Variants in TRAPPC9 observed in about 807,000 individuals in gnomAD.
TRAPPC9 encodes the protein trafficking protein particle complex subunit 9.
Under a neutral mutation model 124.0 loss-of-function variants are expected in TRAPPC9, and 83 were observed. That is an observed-to-expected ratio of 0.67 (90% CI 0.56 to 0.80). The LOEUF is 0.80. TRAPPC9 is among the 30% of genes least tolerant of loss of function. The pLI, the probability that TRAPPC9 is intolerant of heterozygous loss-of-function variation, is 0.00. For synonymous variants in TRAPPC9, 638 were observed against 617.5 expected (o/e 1.03, Z -0.49); for missense variants, 1,302 against 1,508.3 (o/e 0.86, Z 2.27).
intron 9 of TRAPPC9, among the ~76,000 whole-genome samples, chr8:140,324,096 T>C (rs1370278316): frequency 6.6e-6 from 1 of 152,030 alleles, no homozygotes; most frequent in Non-Finnish European, 1.5e-5. Context: ...TTCTTTTGCC[T>C]TGCATCCTTA....
intron 20 of TRAPPC9, among the ~76,000 whole-genome samples, chr8:139,892,243 C>T (rs930058883): frequency 3.3e-5 from 5 of 152,258 alleles, no homozygotes; most frequent in Non-Finnish European, 7.3e-5. Context: ...GGAGCCCTCT[C>T]TCCCCATGTA....
intron 17 of TRAPPC9, chr8:140,041,021 G>A (rs1207197923): frequency 6.6e-6 from 1 of 152,196 alleles, no homozygotes; most frequent in Admixed American, 6.5e-5. Flanking sequence ...CTTTGTCAAG[G>A]TAATATCCAG....
At chr8:140,272,085 G>A (rs2064913704) in intron 15 of TRAPPC9, among the ~76,000 whole-genome samples, 25 of 73,048 alleles carry the variant, frequency 3.4e-4, no homozygotes, top group African/African-American at 1.1e-3. Flanking sequence ...GGTGGTGGTT[G>A]TGTTGATGAT....
At chr8:140,136,437 T>C (rs902221069) in intron 17 of TRAPPC9, among the ~76,000 whole-genome samples, 8 of 152,120 alleles carry the variant, frequency 5.3e-5, no homozygotes, top group Non-Finnish European at 4.4e-5. Flanking sequence ...ACTGAGCACA[T>C]ACATGCATTT....
chr8:139,848,763 C>T (rs940568843), intron 21 of TRAPPC9, among the ~76,000 whole-genome samples: 1 of 152,066 alleles, frequency 6.6e-6, no homozygotes, highest in Non-Finnish European at 1.5e-5. Flanking sequence ...CCCAACAAGC[C>T]CTTGTTGTCT....
chr8:140,090,815 G>A (rs180718194), intron 17 of TRAPPC9, among the ~76,000 whole-genome samples: 1 of 152,322 alleles, frequency 6.6e-6, no homozygotes, highest in African/African-American at 2.4e-5. Flanking sequence ...GGCTTCCCAT[G>A]CAGCTGTTCA....
intron 19 of TRAPPC9, among the ~76,000 whole-genome samples, chr8:139,970,928 C>T (rs938047687): frequency 6.6e-6 from 1 of 151,906 alleles, no homozygotes; most frequent in Non-Finnish European, 1.5e-5. Flanking sequence ...CCAGCTGTGA[C>T]TCCTGCCCTC....
At chr8:140,302,202 C>A (rs549324241) in intron 10 of TRAPPC9, among the ~76,000 whole-genome samples, 24 of 152,310 alleles carry the variant, frequency 1.6e-4, no homozygotes, top group African/African-American at 5.5e-4. Flanking sequence ...GGGGAGCCTG[C>A]CACATGCGTG....
At chr8:140,449,150 A>G (rs1199148389) in intron 2 of TRAPPC9, among the ~76,000 whole-genome samples, 3 of 152,104 alleles carry the variant, frequency 2.0e-5, no homozygotes, top group Non-Finnish European at 2.9e-5. Context: ...TTCTGTGATC[A>G]TCTCTCCTCA....
intron 17 of TRAPPC9, among the ~76,000 whole-genome samples, chr8:140,030,511 C>A (rs1840435340): frequency 6.6e-6 from 1 of 151,856 alleles, no homozygotes; most frequent in African/African-American, 2.4e-5. Flanking sequence ...CAACTCCTAC[C>A]AAGAAAAATA....
Position 139,728,378 on chromosome 8 carries a change from C to T in TRAPPC9, c.*2683G>A, listed in dbSNP as rs903913316. Among the ~76,000 whole-genome samples the T allele has an allele frequency of 1.3e-5, 2 of 152,232 alleles. No individual in the cohort carries two copies. The highest frequency in any genetic ancestry group is 2.9e-5 in the Non-Finnish European group (2 of 68,048). On this transcript the variant is annotated 3_prime_UTR_variant, in exon 23 of 23. Coordinates refer to ENST00000438773, the MANE Select transcript of TRAPPC9 (RefSeq NM_001160372.4). Reference sequence around the variant, plus strand: ...TGTTCCTGGCTTACCCTCCGCTGGCCTTCAGGAGGTTTCTGAATGCACCAG... The same window carrying T: ...TGTTCCTGGCTTACCCTCCGCTGGCTTTCAGGAGGTTTCTGAATGCACCAG...
intron 21 of TRAPPC9, among the ~76,000 whole-genome samples, chr8:139,841,558 G>A (rs898172292): frequency 9.9e-5 from 15 of 152,226 alleles, no homozygotes; most frequent in African/African-American, 3.6e-4. Flanking sequence ...CCGAGTGCAG[G>A]CTCTGGCCAA....
chr8:140,369,731 C>T (rs2068224194), intron 8 of TRAPPC9, among the ~76,000 whole-genome samples: 1 of 152,088 alleles, frequency 6.6e-6, no homozygotes, highest in African/African-American at 2.4e-5. Flanking sequence ...GTGGGCGGAT[C>T]ACCTGAGGTC....
At chr8:139,918,285 C>T (rs956316879) in intron 19 of TRAPPC9, among the ~76,000 whole-genome samples, 1 of 152,204 alleles carries the variant, frequency 6.6e-6, no homozygotes, top group African/African-American at 2.4e-5. Flanking sequence ...GTGGCTTCTC[C>T]GAAGAGGGAT....
intron 21 of TRAPPC9, among the ~76,000 whole-genome samples, chr8:139,805,411 C>T (rs1823979639): frequency 6.6e-6 from 1 of 152,214 alleles, no homozygotes; most frequent in Admixed American, 6.5e-5. Context: ...AGGTGGGGAC[C>T]TGCAGACCTG....
intron 17 of TRAPPC9, among the ~76,000 whole-genome samples, chr8:140,115,496 T>C (rs998205894): frequency 1.7e-4 from 26 of 152,290 alleles, no homozygotes; most frequent in African/African-American, 6.3e-4. Flanking sequence ...CTTGAACTCC[T>C]GACCTCATGA....
intron 9 of TRAPPC9, among the ~76,000 whole-genome samples, chr8:140,333,770 G>T (rs1292676968): frequency 6.6e-6 from 1 of 152,192 alleles, no homozygotes; most frequent in Non-Finnish European, 1.5e-5. Context: ...GTTTATAAAT[G>T]CCCCATGAGT....
At chr8:139,754,614 A>C (rs80035903) in intron 21 of TRAPPC9, among the ~76,000 whole-genome samples, 4,695 of 151,958 alleles carry the variant, frequency 0.031, 224 homozygotes, top group African/African-American at 0.11. Flanking sequence ...AGCCATCCCA[A>C]CTCCCATGGG....
chr8:140,123,871 T>G (rs937978518), intron 17 of TRAPPC9, among the ~76,000 whole-genome samples: 1 of 152,154 alleles, frequency 6.6e-6, no homozygotes, highest in Non-Finnish European at 1.5e-5. Context: ...AATGGGTCCA[T>G]CAGGAGAGGC....
Sources: allele counts gnomAD v4.1 joint callset (sites outside exome capture counted in the v4.1 genomes callset), GRCh38; gene constraint gnomAD v4.1.1; transcripts MANE v1.5; gene names NCBI Gene and HGNC (gene_info 2026-07-23, HGNC 2026-07-21).